Variants in PPFIA2 observed in about 807,000 individuals in gnomAD.
PPFIA2 encodes the protein PPFI scaffold protein A2.
A neutral mutation model predicts 175.5 loss-of-function variants in PPFIA2; 46 were observed. The observed-to-expected ratio is 0.26, with a 90% CI of 0.21 to 0.34. The LOEUF (loss-of-function observed/expected upper bound fraction) is 0.34, where lower values mean the gene tolerates loss of function less well. Among genes scored for constraint, PPFIA2 ranks in the 10% least tolerant of loss-of-function variants. The pLI is 1.00. For synonymous variants in PPFIA2, 568 were observed against 511.4 expected, an observed-to-expected ratio of 1.11 and a Z score of -1.49; for missense variants, 1,179 against 1,506.1, an observed-to-expected ratio of 0.78 and a Z score of 3.60.
At chr12:81,597,724 T>A (rs1426372652) in intron 4 of PPFIA2, among the ~76,000 whole-genome samples, 2 of 118,920 alleles carry the variant, frequency 1.7e-5, no homozygotes, top group African/African-American at 3.4e-5. Flanking sequence ...TAAAAATTCC[T>A]GTGGAAAATT....
intron 4 of PPFIA2, among the ~76,000 whole-genome samples, chr12:81,543,243 C>T (rs1221831002): frequency 2.0e-5 from 3 of 151,948 alleles, no homozygotes; most frequent in Non-Finnish European, 2.9e-5. Context: ...ACAAGACAAG[C>T]CTGGAACATT....
Position 81,480,328 on chromosome 12 carries a change from C to A in PPFIA2, c.304-22462G>T, listed in dbSNP as rs570241675. Among the ~76,000 whole-genome samples, 3 of 151,856 alleles carry A rather than the reference C, an allele frequency of 2.0e-5. No individual in the cohort carries two copies. In the East Asian group the frequency reaches 5.9e-4, roughly 30 times the overall value. ...ATTCCTCTAACCTTTTTTCAAGGTT[C>A]TTAGCTTCCTTGTATGGGGTTGGAA... On this transcript the variant is annotated intron_variant, in intron 4 of 32. Transcript: ENST00000549396.
chr12:81,700,408 C>A (rs73149327), intron 3 of PPFIA2, among the ~76,000 whole-genome samples: 12 of 152,092 alleles, frequency 7.9e-5, no homozygotes, highest in East Asian at 5.8e-4. Context: ...CATTCTCATG[C>A]TTTATAAAGA....
At chr12:81,489,860 T>C (rs556204677) in intron 4 of PPFIA2, among the ~76,000 whole-genome samples, 1 of 152,082 alleles carries the variant, frequency 6.6e-6, no homozygotes, top group East Asian at 1.9e-4. Flanking sequence ...ACTATTTATA[T>C]GCTACCTGTA....
intron 4 of PPFIA2, among the ~76,000 whole-genome samples, chr12:81,493,728 GTT>G (rs35995275): frequency 5.3e-5 from 6 of 113,090 alleles, no homozygotes; most frequent in South Asian, 3.3e-4. Flanking sequence ...TTGAGTGTGT[GTT>G]TGTGTGTGTG....
intron 4 of PPFIA2, among the ~76,000 whole-genome samples, chr12:81,550,143 C>G (rs1053550958): frequency 1.3e-5 from 2 of 151,752 alleles, no homozygotes; most frequent in African/African-American, 4.8e-5. Context: ...AAATCTCTGC[C>G]CTTTCGAAAC....
intron 4 of PPFIA2, among the ~76,000 whole-genome samples, chr12:81,521,200 A>G (rs2063078237): frequency 6.6e-6 from 1 of 151,942 alleles, no homozygotes; most frequent in South Asian, 2.1e-4. Flanking sequence ...TTCAGGAATC[A>G]CGAGAAAAAA....
chr12:81,294,053 T>C (rs2045775962), intron 24 of PPFIA2, among the ~76,000 whole-genome samples: 1 of 151,762 alleles, frequency 6.6e-6, no homozygotes, highest in Non-Finnish European at 1.5e-5. Context: ...AAAAATCAAA[T>C]ACAACATGTC....
At chr12:81,685,797 T>C (rs142802510) in intron 3 of PPFIA2, among the ~76,000 whole-genome samples, 10 of 152,196 alleles carry the variant, frequency 6.6e-5, no homozygotes, top group Non-Finnish European at 1.5e-4. Context: ...TACTTTATTT[T>C]TGAATGCATA....
chr12:81,346,289 A>C (rs958318478), intron 18 of PPFIA2, among the ~76,000 whole-genome samples: 7 of 152,034 alleles, frequency 4.6e-5, no homozygotes, highest in Non-Finnish European at 8.8e-5. Flanking sequence ...TTTGTGGAAA[A>C]ATCCAGCTCC....
At chr12:81,476,913 A>G (rs910740611) in intron 4 of PPFIA2, among the ~76,000 whole-genome samples, 3 of 152,182 alleles carry the variant, frequency 2.0e-5, no homozygotes, top group African/African-American at 7.2e-5. Context: ...TTGCAGGGAC[A>G]TGGATGAAGC....
chr12:81,365,693 T>G (rs1197219192), intron 14 of PPFIA2, among the ~76,000 whole-genome samples: 1 of 151,748 alleles, frequency 6.6e-6, no homozygotes, highest in Non-Finnish European at 1.5e-5. Context: ...TCTACCTTTA[T>G]GAAGATCATA....
At chr12:81,542,342 A>G (rs1195861179) in intron 4 of PPFIA2, among the ~76,000 whole-genome samples, 1 of 152,182 alleles carries the variant, frequency 6.6e-6, no homozygotes, top group African/African-American at 2.4e-5. Flanking sequence ...TGGCTCTGCC[A>G]GCACCTCACT....
At chr12:81,364,833 A>AC (rs1326492743) in intron 14 of PPFIA2, among the ~76,000 whole-genome samples, 1 of 151,846 alleles carries the variant, frequency 6.6e-6, no homozygotes, top group East Asian at 1.9e-4. Flanking sequence ...AGGGGTCAAG[A>AC]CTAAGTCCAA....
rs140563049 is a variant in PPFIA2 at position 81,524,295 on chromosome 12, G to T, written c.304-66429C>A. Among the ~76,000 whole-genome samples the T allele has an allele frequency of 4.6e-5, 7 of 152,256 alleles. No individual in the cohort carries two copies. In the East Asian group the frequency reaches 1.4e-3, roughly 30 times the overall value. On this transcript the variant is annotated intron_variant, in intron 4 of 32. Coordinates refer to ENST00000549396, the MANE Select transcript of PPFIA2 (RefSeq NM_003625.5). ...TGTGGGCCGCACCCAGCAAAACCAA[G>T]CAGGGATGCCTGGAGCCCTGGAGCC...
At chr12:81,263,605 C>G (rs748701581) in intron 30 of PPFIA2, among the ~76,000 whole-genome samples, 1 of 152,154 alleles carries the variant, frequency 6.6e-6, no homozygotes, top group African/African-American at 2.4e-5. Flanking sequence ...ACTTTTCATA[C>G]AATTTCAAAT....
At chr12:81,694,398 C>T (rs1434693701) in intron 3 of PPFIA2, among the ~76,000 whole-genome samples, 1 of 152,122 alleles carries the variant, frequency 6.6e-6, no homozygotes, top group Non-Finnish European at 1.5e-5. Context: ...CCTGCTCCAG[C>T]CTTGGATCAA....
At chr12:81,353,065 T>C (rs1410546440) in intron 17 of PPFIA2, 54 bp downstream of exon 17, 1 of 1,490,396 alleles carries the variant, frequency 6.7e-7, no homozygotes, top group African/African-American at 1.4e-5. Context: ...ACATTTTTAG[T>C]ACAGTATCAA....
At chr12:81,604,007 A>G (rs1412263264) in intron 4 of PPFIA2, among the ~76,000 whole-genome samples, 1 of 151,680 alleles carries the variant, frequency 6.6e-6, no homozygotes, top group East Asian at 1.9e-4. Flanking sequence ...ATCAGATACA[A>G]TATCAGTGCT....
Sources: allele counts gnomAD v4.1 joint callset (sites outside exome capture counted in the v4.1 genomes callset), GRCh38; gene constraint gnomAD v4.1.1; transcripts MANE v1.5; gene names NCBI Gene and HGNC (gene_info 2026-07-23, HGNC 2026-07-21).